TBCD: variants seen among roughly 807,000 people sequenced by gnomAD.
The protein encoded by TBCD is tubulin-specific chaperone D.
Under a neutral mutation model 169.3 loss-of-function variants are expected in TBCD, and 105 were observed. The observed-to-expected ratio is 0.62, with a 90% CI of 0.53 to 0.73. The LOEUF is 0.73. Ranked by LOEUF, TBCD falls within the 30% of genes least tolerant of loss-of-function variation. The probability of loss-of-function intolerance (pLI) is 0.00; values close to 1 mark genes in which losing one functional copy is unlikely to be tolerated. For missense variants in TBCD, 1,444 were observed against 1,600.1 expected (o/e 0.90, Z 1.66); for synonymous variants, 700 against 643.9 (o/e 1.09, Z -1.32).
intron 5 of TBCD, among the ~76,000 whole-genome samples, 190 bp downstream of exon 5, chr17:82,768,756 C>T (rs1191701627): frequency 6.6e-6 from 1 of 152,000 alleles, no homozygotes; most frequent in Non-Finnish European, 1.5e-5. Context: ...GTTGAGTTAG[C>T]AAATCTCATT....
In TBCD at chr17:82,915,202, G is replaced by A. The variant is rs529306507; in HGVS notation, c.2038+3413G>A. Among the ~76,000 whole-genome samples, 20 of 152,230 alleles carry A rather than the reference G, an allele frequency of 1.3e-4. No homozygotes were observed. The highest frequency in any genetic ancestry group is 4.6e-4 in the African/African-American group (19 of 41,522). ...GGATGGCGCCCTTACCCCCGAGGAC[G>A]CCGGCATGTCGGTGACATGCCGCCC... On this transcript the variant is annotated intron_variant, in intron 23 of 38. Coordinates refer to ENST00000355528, the MANE Select transcript of TBCD (RefSeq NM_005993.5). The surrounding 1 kb of genome is among the most constrained non-coding windows in gnomAD (Gnocchi z 4.3).
rs2057035996 is a variant in TBCD, at chr17:82,864,815, C to T, written c.1319-5409C>T. ...ACAGGAAGGGCTGGGATCACCACTC[C>T]CCGGGGCACCGTGGGGACAGCGGGG... On this transcript the variant is annotated intron_variant, in intron 13 of 38. Transcript: ENST00000355528. This position sits in a 1 kb window ranked among gnomAD's most constrained non-coding sequence, Gnocchi z 6.3. Among the ~76,000 whole-genome samples, 1 of 114,538 alleles carries T rather than the reference C, an allele frequency of 8.7e-6. No individual in the cohort carries two copies. Among genetic ancestry groups the T allele is most frequent in the South Asian group, 2.3e-4 (1 of 4,262 alleles). The allele number at this position is 114,538 out of a possible 152,430, so 75.1% of individuals were successfully genotyped here.
chr17:82,814,141 GA>G (rs2051674606), intron 12 of TBCD, among the ~76,000 whole-genome samples: 1 of 152,198 alleles, frequency 6.6e-6, no homozygotes. Flanking sequence ...CAAATACTGT[GA>G]AAAATCTTGA....
intron 14 of TBCD, among the ~76,000 whole-genome samples, chr17:82,881,912 C>CT: frequency 6.6e-6 from 1 of 150,840 alleles, no homozygotes; most frequent in East Asian, 1.9e-4. Context: ...TCTCTCCCCC[C>CT]TCTCCCCTCC....
At chr17:82,937,602 C>G in intron 35 of TBCD, 1 of 599,530 alleles carries the variant, frequency 1.7e-6, no homozygotes, top group Non-Finnish European at 2.9e-6. Context: ...CGCGCTCTGC[C>G]CTGGCGGGAG....
intron 13 of TBCD, among the ~76,000 whole-genome samples, chr17:82,819,191 T>C (rs558775255): frequency 1.8e-4 from 27 of 152,338 alleles, no homozygotes; most frequent in Admixed American, 1.4e-3. Flanking sequence ...CATTGGTGCA[T>C]GCTAAAGGAG....
chr17:82,846,855 A>G (rs2055169006), intron 13 of TBCD, among the ~76,000 whole-genome samples: 1 of 140,866 alleles, frequency 7.1e-6, no homozygotes, highest in Non-Finnish European at 1.6e-5. Context: ...ATTGCCTGGG[A>G]CCGCGTGTCC....
intron 7 of TBCD, among the ~76,000 whole-genome samples, chr17:82,796,345 G>A (rs1339383617): frequency 2.6e-5 from 4 of 152,302 alleles, no homozygotes; most frequent in South Asian, 2.1e-4. Context: ...TTTAACTTTC[G>A]ATTTTATATT....
At chr17:82,875,085 T>C (rs1023178038) in intron 14 of TBCD, among the ~76,000 whole-genome samples, 4 of 152,244 alleles carry the variant, frequency 2.6e-5, no homozygotes, top group African/African-American at 9.6e-5. Context: ...AATTGGTTCC[T>C]AGCTTTTTGC....
chr17:82,929,303 C>G, intron 31 of TBCD, 32 bp downstream of exon 31: 1 of 1,611,148 alleles, frequency 6.2e-7, no homozygotes, highest in Non-Finnish European at 8.5e-7. Flanking sequence ...CCCGTGCTGG[C>G]CCCGCAGCCA....
intron 21 of TBCD, chr17:82,908,304 T>G (rs1274335575): frequency 2.2e-6 from 1 of 456,846 alleles, no homozygotes; most frequent in African/African-American, 2.0e-5. Context: ...CAGCCGTGCA[T>G]CTGCAGCTGG....
intron 1 of TBCD, 79 bp downstream of exon 1, chr17:82,752,456 C>A (rs1322747833): frequency 6.3e-6 from 7 of 1,105,192 alleles, no homozygotes; most frequent in Non-Finnish European, 7.8e-6. Flanking sequence ...CGGGCGGGGA[C>A]CGCAGCCCGG....
Position 82,889,079 on chromosome 17 carries a change from C to G in TBCD, c.1534-589C>G, listed in dbSNP as rs2058949889. The stretch of plus-strand genomic sequence containing the variant: ...ACCTTGCCCAGGTAACCTGCTCTGC[C>G]TGGTCGGTGCGCCTAAGGGGGGCAG... On this transcript the variant is annotated intron_variant, in intron 15 of 38. Transcript: ENST00000355528. The surrounding 1 kb of genome is among the most constrained non-coding windows in gnomAD (Gnocchi z 5.3). Among the ~76,000 whole-genome samples, 1 of 152,212 alleles carries G rather than the reference C, an allele frequency of 6.6e-6. No homozygotes were observed. Among genetic ancestry groups the G allele is most frequent in the South Asian group, 2.1e-4 (1 of 4,834 alleles).
chr17:82,932,550 A>T, intron 33 of TBCD, 108 bp from the exon 34 acceptor site: 1 of 848,086 alleles, frequency 1.2e-6, no homozygotes, highest in African/African-American at 1.7e-5. Flanking sequence ...GTAAATTATA[A>T]AGGGGGCTTG....
chr17:82,790,346 C>T (rs952450265), intron 7 of TBCD, among the ~76,000 whole-genome samples: 1 of 152,226 alleles, frequency 6.6e-6, no homozygotes, highest in Non-Finnish European at 1.5e-5. Context: ...GTCCTGTGGC[C>T]TGCGTAAAGG....
Position 82,864,071 on chromosome 17 carries a change from G to A in TBCD, c.1319-6153G>A, listed in dbSNP as rs2056983239. Among the ~76,000 whole-genome samples the A allele has an allele frequency of 6.6e-6, 1 of 152,190 alleles. No individual in the cohort carries two copies. Among genetic ancestry groups the A allele is most frequent in the Non-Finnish European group, 1.5e-5 (1 of 68,042 alleles). On this transcript the variant is annotated intron_variant, in intron 13 of 38. Transcript: ENST00000355528. The surrounding 1 kb of genome is among the most constrained non-coding windows in gnomAD (Gnocchi z 6.3). ...CTCCTAACCAGTGTTCTTAGGGGCT[G>A]TCTTACCAGTGAAGGGAGCTGCCTG...
chr17:82,905,907 A>G (rs369783067), intron 19 of TBCD, 29 bp from the exon 20 acceptor site: 2 of 1,556,606 alleles, frequency 1.3e-6, no homozygotes, highest in African/African-American at 1.4e-5. Context: ...ACACACCCTC[A>G]CCTGCCCTCT....
intron 12 of TBCD, among the ~76,000 whole-genome samples, chr17:82,811,498 G>T (rs2051441529): frequency 6.6e-6 from 1 of 152,166 alleles, no homozygotes; most frequent in Non-Finnish European, 1.5e-5. Flanking sequence ...GGGACGGGGT[G>T]GCCTTTTTAC....
intron 13 of TBCD, among the ~76,000 whole-genome samples, chr17:82,855,983 T>TC (rs151105006): frequency 0.063 from 7,232 of 113,904 alleles, 262 homozygotes; most frequent in East Asian, 0.17. Flanking sequence ...ATGGGTAGAC[T>TC]CCCCCCCCAC....
Sources: allele counts gnomAD v4.1 joint callset (sites outside exome capture counted in the v4.1 genomes callset), GRCh38; gene constraint gnomAD v4.1.1; non-coding constraint Gnocchi (gnomAD v3.1); transcripts MANE v1.5; gene names NCBI Gene and HGNC (gene_info 2026-07-23, HGNC 2026-07-21).